Variants in NECTIN1 observed in about 807,000 individuals in gnomAD.
NECTIN1 encodes the protein nectin-1.
Under a neutral mutation model 48.0 loss-of-function variants are expected in NECTIN1, and 23 were observed. The observed-to-expected ratio is 0.48, with a 90% CI of 0.34 to 0.68. The LOEUF is 0.68. NECTIN1 is among the 30% of genes least tolerant of loss of function. The pLI is 0.01. For missense variants in NECTIN1, 591 were observed against 709.9 expected, an observed-to-expected ratio of 0.83 and a Z score of 1.90; for synonymous variants, 270 against 288.9, an observed-to-expected ratio of 0.93 and a Z score of 0.66.
At chr11:119,648,903 G>A (rs1379351316) in intron 5 of NECTIN1, among the ~76,000 whole-genome samples, 1 of 152,200 alleles carries the variant, frequency 6.6e-6, no homozygotes, top group Non-Finnish European at 1.5e-5. Flanking sequence ...GACACTCCTG[G>A]CCTCCCTTCC....
At chr11:119,669,430 A>C (rs1264411710) in intron 5 of NECTIN1, among the ~76,000 whole-genome samples, 2 of 144,520 alleles carry the variant, frequency 1.4e-5, no homozygotes, top group South Asian at 4.4e-4. Flanking sequence ...AAAAAAATGC[A>C]CCTTGAACCT....
At chr11:119,710,472 G>T (rs955542195) in intron 1 of NECTIN1, among the ~76,000 whole-genome samples, 7 of 152,104 alleles carry the variant, frequency 4.6e-5, no homozygotes. Flanking sequence ...AGGATATCAA[G>T]GACACAGGAT....
At chr11:119,713,936 A>G (rs1411796934) in intron 1 of NECTIN1, 1 of 451,520 alleles carries the variant, frequency 2.2e-6, no homozygotes, top group Non-Finnish European at 4.5e-6. Context: ...ACTTGGGGAG[A>G]AACTCTAAAC....
chr11:119,641,419 A>C (rs1454947696), intron 5 of NECTIN1: 1 of 152,238 alleles, frequency 6.6e-6, no homozygotes, highest in Non-Finnish European at 1.5e-5. Flanking sequence ...TGTGGCCTTT[A>C]TCAAAGCGTT....
At chr11:119,700,557 C>G (rs993298742) in intron 1 of NECTIN1, among the ~76,000 whole-genome samples, 1 of 151,986 alleles carries the variant, frequency 6.6e-6, no homozygotes, top group African/African-American at 2.4e-5. Context: ...AACAGGCTGC[C>G]GGTGTGGAAG....
chr11:119,663,379 C>T lies in NECTIN1; in HGVS notation c.*1368G>A, dbSNP rs576817361. 195 of 985,432 alleles carry T rather than the reference C, an allele frequency of 2.0e-4. 1 individual carries two copies. In the South Asian group the frequency reaches 4.3e-3, roughly 22 times the overall value. 61.0% of individuals were successfully genotyped at this position (985,432 alleles called of 1,614,324 possible). On this transcript the variant is annotated 3_prime_UTR_variant, in exon 6 of 6. Coordinates refer to ENST00000264025, the MANE Select transcript of NECTIN1 (RefSeq NM_002855.5). ...GGGTGGCTGATAGGAACTCAATGTC[C>T]CATTCAAGAAGGGAATCTGCACTGA...
At chr11:119,647,800 C>T (rs998981440) in intron 5 of NECTIN1, among the ~76,000 whole-genome samples, 1 of 152,084 alleles carries the variant, frequency 6.6e-6, no homozygotes, top group Non-Finnish European at 1.5e-5. Context: ...CGGTGGCTCA[C>T]GCCTGTAATC....
At chr11:119,648,414 G>C (rs1462732678) in intron 5 of NECTIN1, among the ~76,000 whole-genome samples, 1 of 100,542 alleles carries the variant, frequency 9.9e-6, no homozygotes, top group East Asian at 3.0e-4. Context: ...TGGTGATGGT[G>C]GTGGTGATGG....
At position 119,677,081 on chromosome 11, in the gene NECTIN1, G is replaced by T. The variant is rs1453037870; in HGVS notation, c.851+21C>A. 1 of 1,601,724 alleles carries T rather than the reference G, an allele frequency of 6.2e-7. No homozygotes were observed. Among genetic ancestry groups the T allele is most frequent in the Admixed American group, 1.7e-5 (1 of 59,976 alleles). On this transcript the variant is annotated intron_variant, in intron 4 of 5. Transcript: ENST00000264025. The surrounding 1 kb of genome is among the most constrained non-coding windows in gnomAD (Gnocchi z 5.4). ...CAGTCAGCTGTCTTCCAAGGTGACTGGTCAGCCCTGCAGCACTTACGTGGT... is the reference window on the plus strand; with the variant it reads ...CAGTCAGCTGTCTTCCAAGGTGACTTGTCAGCCCTGCAGCACTTACGTGGT...
chr11:119,723,056 A>T (rs1865858850), intron 1 of NECTIN1, among the ~76,000 whole-genome samples: 1 of 152,018 alleles, frequency 6.6e-6, no homozygotes, highest in Non-Finnish European at 1.5e-5. Context: ...TCTCTACTAA[A>T]AATACAAAAA....
intron 7 of NECTIN1, chr11:119,638,307 C>T (rs1050481058): frequency 3.1e-6 from 5 of 1,598,722 alleles, no homozygotes; most frequent in Non-Finnish European, 4.3e-6. Flanking sequence ...CCAGGTGGCC[C>T]TCATGGACTC....
chr11:119,638,152 G>A (rs754916106), exon 8 of NECTIN1: 1 of 1,613,822 alleles, frequency 6.2e-7, no homozygotes, highest in African/African-American at 1.3e-5. Flanking sequence ...GGTAGGAGGG[G>A]GAGACCCCCA....
chr11:119,661,240 A>C lies in NECTIN1; in HGVS notation c.*3507T>G, dbSNP rs1864658030. The stretch of plus-strand genomic sequence containing the variant: ...CTGGATTCTTTTCATTTATACAAAA[A>C]AGGAAAACCAATTTTTTCGACCAAG... On this transcript the variant is annotated 3_prime_UTR_variant, in exon 6 of 6. Transcript: ENST00000264025. The C allele has an allele frequency of 1.0e-6, 1 of 985,772 alleles. No individual in the cohort carries two copies. Among genetic ancestry groups the C allele is most frequent in the African/African-American group, 1.7e-5 (1 of 57,244 alleles). 61.1% of individuals were successfully genotyped at this position (985,772 alleles called of 1,614,324 possible).
chr11:119,647,406 C>A (rs995369142), intron 5 of NECTIN1, among the ~76,000 whole-genome samples: 1 of 152,022 alleles, frequency 6.6e-6, no homozygotes, highest in African/African-American at 2.4e-5. Flanking sequence ...TCTGAACCCC[C>A]TCCAAGCTCA....
chr11:119,667,673 A>G (rs1363910076), intron 5 of NECTIN1, among the ~76,000 whole-genome samples: 1 of 151,992 alleles, frequency 6.6e-6, no homozygotes, highest in East Asian at 1.9e-4. Context: ...TCTGAGTGCT[A>G]TCTCCAGCTG....
intron 1 of NECTIN1, among the ~76,000 whole-genome samples, chr11:119,704,757 G>C (rs60802608): frequency 4.6e-5 from 7 of 152,128 alleles, no homozygotes; most frequent in Non-Finnish European, 8.8e-5. Context: ...ACTCCACCCC[G>C]GGAGGCTCTC....
At chr11:119,698,082 G>C (rs1865373411) in intron 1 of NECTIN1, among the ~76,000 whole-genome samples, 1 of 152,256 alleles carries the variant, frequency 6.6e-6, no homozygotes, top group East Asian at 1.9e-4. Context: ...GACCACACCT[G>C]CCCAGGCCCA....
chr11:119,728,536 A>C lies in NECTIN1; in HGVS notation c.18T>G (p.Leu6=), dbSNP rs1448104471. 5 of 1,590,230 alleles carry C rather than the reference A, an allele frequency of 3.1e-6. No individual in the cohort carries two copies. In the South Asian group the frequency reaches 5.7e-5, roughly 18 times the overall value. ...CCCACCAGCGTCCAGCGGCGCCCGC[A>C]AGCCCCATCCGAGCCATCGGGGGCC... MARMG[L]AGAAGRWWGL... The change falls in exon 1 of 6, where the codon CTT becomes CTG. Residue 6 remains leucine, a synonymous_variant. Transcript: ENST00000264025.
rs745511472 is a variant in NECTIN1, at chr11:119,661,308, G to A, written c.*3439C>T. On this transcript the variant is annotated 3_prime_UTR_variant, in exon 6 of 6. Coordinates refer to ENST00000264025, the MANE Select transcript of NECTIN1 (RefSeq NM_002855.5). ...CAGGGGTCAGAAGAGCAGCAGCACC[G>A]AGTGGGACAGGGGCTCCTCCTGGCC... 49 of 985,900 alleles carry A rather than the reference G, an allele frequency of 5.0e-5. No homozygotes were observed. The Admixed American group carries it at 6.8e-4, about 14-fold the overall frequency. The allele number at this position is 985,900 out of a possible 1,614,324, so 61.1% of individuals were successfully genotyped here. A position where few individuals can be genotyped will look rare whatever the true frequency, so the allele number is the denominator to read the frequency against.
Sources: gnomAD v4.1 joint callset for allele counts (sites outside exome capture counted in the v4.1 genomes callset) on GRCh38, gnomAD v4.1.1 for gene constraint, Gnocchi (gnomAD v3.1) non-coding constraint, MANE v1.5 for transcripts, NCBI Gene and HGNC (gene_info 2026-07-23, HGNC 2026-07-21) for gene names.